The following BAIAP2L1 variants were observed in gnomAD, a reference collection of about 807,000 sequenced individuals.
BAIAP2L1 encodes BAR/IMD domain containing adaptor protein 2 like 1.
A neutral mutation model predicts 66.3 loss-of-function variants in BAIAP2L1; 35 were observed. That is an observed-to-expected ratio of 0.53 (90% confidence interval 0.40 to 0.70). The LOEUF is 0.70. Ranked by LOEUF, BAIAP2L1 falls within the 30% of genes least tolerant of loss-of-function variation. BAIAP2L1 has a pLI of 0.00. For synonymous variants in BAIAP2L1, 269 were observed against 248.7 expected (o/e 1.08, Z -0.77); for missense variants, 622 against 656.9 (o/e 0.95, Z 0.58).
chr7:98,390,287 G>C (rs1171141823), intron 1 of BAIAP2L1, among the ~76,000 whole-genome samples: 1 of 151,926 alleles, frequency 6.6e-6, no homozygotes, highest in Non-Finnish European at 1.5e-5. Context: ...TTTAAAATTA[G>C]GTTTATCTTT....
rs529938407 is a variant in BAIAP2L1, at chr7:98,371,983, C to T, written c.52-9551G>A. ...CTAGTTTTTTGTATTTTTAGAGAGACGGGGTTTCACCAGTGTTAGCCAGGA... is the reference window on the plus strand; with the variant it reads ...CTAGTTTTTTGTATTTTTAGAGAGATGGGGTTTCACCAGTGTTAGCCAGGA... On this transcript the variant is annotated intron_variant, in intron 1 of 13. Transcript: ENST00000005260. Among the ~76,000 whole-genome samples the T allele has an allele frequency of 1.5e-4, 23 of 152,004 alleles. No individual in the cohort carries two copies. In the South Asian group the frequency reaches 4.4e-3, roughly 29 times the overall value.
intron 3 of BAIAP2L1, among the ~76,000 whole-genome samples, chr7:98,352,067 A>C (rs1802012368): frequency 6.8e-6 from 1 of 147,382 alleles, no homozygotes; most frequent in African/African-American, 2.4e-5. Context: ...AGAAAAATAC[A>C]ATCTATCTTT....
At position 98,304,397 on chromosome 7, in the gene BAIAP2L1, A is replaced by G. The variant is rs115181726; in HGVS notation, c.1242-21T>C. ...TGGGGCTCAAACCCAAAAAGGACAC[A>G]GCACGTGTTAGATAATGTCTCACCA... On this transcript the variant is annotated intron_variant, in intron 11 of 13. Transcript: ENST00000005260. 1.9e-4 allele frequency: 313 copies of G among 1,612,528 alleles called. No individual in the cohort carries two copies. In the African/African-American group the frequency reaches 3.6e-3, roughly 19 times the overall value.
chr7:98,350,116 G>GA (rs75656703), intron 3 of BAIAP2L1, among the ~76,000 whole-genome samples: 2,584 of 147,566 alleles, frequency 0.018, 72 homozygotes, highest in African/African-American at 0.057. Flanking sequence ...AAAAAGGGGG[G>GA]AAAAAAAAAA....
Position 98,317,229 on chromosome 7 carries a change from T to G in BAIAP2L1, c.476A>C (p.Lys159Thr), listed in dbSNP as rs935295858. The change falls in exon 6 of 14, where the codon AAA becomes ACA. Residue 159 changes from lysine (K) to threonine (T), a missense_variant. Physicochemically the swap from Lys to Thr is moderately conservative, Grantham distance 78. Transcript: ENST00000005260. ...TGTTGAAAAGCTCACCTCAATTTCT[T>G]TGTGTTCATATTTGAGTGCGTTTCG... ...GSRNALKYEHKEIEYVETVTS... is the reference protein window; with the variant it reads ...GSRNALKYEHTEIEYVETVTS... 6.2e-7 allele frequency: 1 copy of G among 1,614,118 alleles called. No individual in the cohort carries two copies. Among genetic ancestry groups the G allele is most frequent in the Non-Finnish European group, 8.5e-7 (1 of 1,180,054 alleles).
chr7:98,306,907 TG>T (rs1800679068), intron 10 of BAIAP2L1: 1 of 173,810 alleles, frequency 5.8e-6, no homozygotes, highest in African/African-American at 2.4e-5. Context: ...AACATTAATT[TG>T]ATTTGGATTA....
chr7:98,308,206 A>T lies in BAIAP2L1; in HGVS notation c.956-310T>A, dbSNP rs1344270602. On this transcript the variant is annotated intron_variant, in intron 9 of 13. Transcript: ENST00000005260. ...GTTGATCTGCACTGCTTTAGCCAGG[A>T]TGGCTCTTCTTAGAGAGACAAACCG... The T allele has an allele frequency of 5.5e-6, 3 of 544,416 alleles. No homozygotes were observed. In the Admixed American group the frequency reaches 6.7e-5, roughly 12 times the overall value. 33.7% of individuals were successfully genotyped at this position (544,416 alleles called of 1,614,324 possible). A position where few individuals can be genotyped will look rare whatever the true frequency, so the allele number is the denominator to read the frequency against.
chr7:98,390,362 G>A (rs1036434300), intron 1 of BAIAP2L1, among the ~76,000 whole-genome samples: 2 of 152,066 alleles, frequency 1.3e-5, no homozygotes, highest in Middle Eastern at 3.2e-3. Context: ...AAAACATTAT[G>A]TCCATTAAAA....
At chr7:98,327,274 T>C (rs945038064) in intron 3 of BAIAP2L1, among the ~76,000 whole-genome samples, 1 of 151,768 alleles carries the variant, frequency 6.6e-6, no homozygotes, top group Non-Finnish European at 1.5e-5. Flanking sequence ...AGCATGAGAA[T>C]TGCTTCAACC....
chr7:98,295,775 C>T (rs1412650474), intron 12 of BAIAP2L1, among the ~76,000 whole-genome samples: 3 of 152,128 alleles, frequency 2.0e-5, no homozygotes, highest in Non-Finnish European at 4.4e-5. Flanking sequence ...AAGCACACCC[C>T]GGAGCTTGTT....
At chr7:98,310,056 G>A in intron 9 of BAIAP2L1, 1 of 170,104 alleles carries the variant, frequency 5.9e-6, no homozygotes, top group Non-Finnish European at 1.2e-5. Flanking sequence ...TCATCATGTT[G>A]GCCAGGCTGG....
intron 1 of BAIAP2L1, among the ~76,000 whole-genome samples, chr7:98,394,177 A>G (rs1019191624): frequency 6.6e-5 from 10 of 152,106 alleles, no homozygotes; most frequent in African/African-American, 2.2e-4. Flanking sequence ...CAGGAGGCGG[A>G]GCTTGCAGTG....
At chr7:98,334,283 A>G (rs1336024747) in intron 3 of BAIAP2L1, among the ~76,000 whole-genome samples, 1 of 152,192 alleles carries the variant, frequency 6.6e-6, no homozygotes, top group Admixed American at 6.5e-5. Context: ...GCATCAGTGC[A>G]CCCAAGAGTT....
intron 1 of BAIAP2L1, among the ~76,000 whole-genome samples, chr7:98,393,167 G>GTATATA (rs149859832): frequency 7.4e-5 from 6 of 81,202 alleles, no homozygotes; most frequent in African/African-American, 2.8e-4. Flanking sequence ...ACACATATAT[G>GTATATA]TATATATATA....
chr7:98,320,019 C>T, intron 5 of BAIAP2L1, 39 bp downstream of exon 5: 2 of 1,556,664 alleles, frequency 1.3e-6, no homozygotes, highest in South Asian at 1.2e-5. Flanking sequence ...GGAGGTCAGG[C>T]AGCCCAAGGC....
intron 9 of BAIAP2L1, chr7:98,309,422 G>A (rs926313830): frequency 6.6e-6 from 1 of 152,116 alleles, no homozygotes; most frequent in Admixed American, 6.6e-5. Flanking sequence ...CAAAGTGCTG[G>A]GATTACAGGC....
At chr7:98,359,445 G>A (rs1194941238) in intron 2 of BAIAP2L1, among the ~76,000 whole-genome samples, 1 of 152,038 alleles carries the variant, frequency 6.6e-6, no homozygotes, top group African/African-American at 2.4e-5. Context: ...GCTAATTTTT[G>A]TATCTTTAGC....
chr7:98,396,614 T>C (rs1266314961), intron 1 of BAIAP2L1, among the ~76,000 whole-genome samples: 1 of 152,064 alleles, frequency 6.6e-6, no homozygotes, highest in African/African-American at 2.4e-5. Context: ...GCCAACATGG[T>C]GAAACCCTGC....
At chr7:98,379,986 G>A (rs575489990) in intron 1 of BAIAP2L1, among the ~76,000 whole-genome samples, 17 of 152,196 alleles carry the variant, frequency 1.1e-4, no homozygotes, top group African/African-American at 3.4e-4. Context: ...TTGTGGTGAC[G>A]GCTGCACAAC....
Sources: gnomAD v4.1 joint callset for allele counts (sites outside exome capture counted in the v4.1 genomes callset) on GRCh38, gnomAD v4.1.1 for gene constraint, MANE v1.5 for transcripts, NCBI Gene and HGNC (gene_info 2026-07-23, HGNC 2026-07-21) for gene names.